LYSMD4: variants seen among roughly 807,000 people sequenced by gnomAD.
The protein encoded by LYSMD4 is LysM domain containing 4.
LYSMD4 carries 9 observed loss-of-function variants against 6.1 expected under a neutral mutation model. The observed-to-expected ratio is 1.47, with a 90% CI of 0.88 to 2.56. The LOEUF is 2.56. LYSMD4 is among the 30% of genes most tolerant of loss of function. The pLI, the probability that LYSMD4 is intolerant of heterozygous loss-of-function variation, is 0.00. For synonymous variants in LYSMD4, 143 were observed against 148.5 expected (o/e 0.96, Z 0.27); for missense variants, 384 against 373.5 (o/e 1.03, Z -0.23).
intron 2 of LYSMD4, chr15:99,731,459 G>A: frequency 6.3e-7 from 1 of 1,599,472 alleles, no homozygotes. Flanking sequence ...ATTTCAGTGT[G>A]GAGAAAACAG....
chr15:99,727,280 C>T (rs2059293453), downstream of LYSMD4: 2 of 152,370 alleles, frequency 1.3e-5, no homozygotes, highest in East Asian at 3.8e-4. Context: ...GAGGCTGAGG[C>T]AGGAGAATCG....
exon 1 of LYSMD4, chr15:99,717,358 A>G (rs2059194836): frequency 6.6e-6 from 1 of 152,256 alleles, no homozygotes; most frequent in Non-Finnish European, 1.5e-5. Context: ...ACCAGCCAAG[A>G]TGATTTTCAG....
intron 2 of LYSMD4, 169 bp downstream of exon 2, chr15:99,731,549 T>TC: frequency 6.5e-7 from 1 of 1,536,508 alleles, no homozygotes; most frequent in Non-Finnish European, 8.7e-7. Context: ...CTAAAGGTAC[T>TC]CCCACCTGCA....
rs2059476323 is a variant in LYSMD4, at chr15:99,733,429, A to C, written c.-93T>G. ...CCCGCAGCTGCCACCGCGCCTGCGG[A>C]TTGGCTACGAACATCAGCAGGGCCC... On this transcript the variant is annotated 5_prime_UTR_variant, in exon 1 of 3. Transcript: ENST00000684762. 1.0e-5 allele frequency: 4 copies of C among 395,182 alleles called. No homozygotes were observed. Among genetic ancestry groups the C allele is most frequent in the African/African-American group, 2.1e-5 (1 of 48,398 alleles). The allele number at this position is 395,182 out of a possible 1,614,324, so 24.5% of individuals were successfully genotyped here.
At chr15:99,717,591 C>CCAGCTGTTGCAGCTGTTG (rs67723447) in exon 1 of LYSMD4, 1 of 151,752 alleles carries the variant, frequency 6.6e-6, no homozygotes, top group Non-Finnish European at 1.5e-5. Context: ...AGCCCTGATC[C>CCAGCTGTTGCAGCTGTTG]CAGCTGTTGC....
At position 99,729,375 on chromosome 15, in the gene LYSMD4, A is replaced by G. The variant is rs771028227; in HGVS notation, c.639T>C (p.Asp213=). ...APPKTPMDGA[D]CGIQWWNAVF... is the part of the protein sequence containing the mutation. The stretch of plus-strand genomic sequence containing the variant: ...CAGCATTCCACCACTGAATGCCACA[A>G]TCTGCACCATCCATAGGCGTCTTCG... Residue 213 remains aspartate (D), a synonymous_variant, in exon 3 of 3, where the codon GAT becomes GAC. Coordinates refer to ENST00000684762, the MANE Select transcript of LYSMD4 (RefSeq NM_001284417.2). 8.7e-6 allele frequency: 14 copies of G among 1,614,118 alleles called. No individual in the cohort carries two copies. Among genetic ancestry groups the G allele is most frequent in the Non-Finnish European group, 1.2e-5 (14 of 1,180,038 alleles).
chr15:99,729,700 A>G lies in LYSMD4; in HGVS notation c.314T>C (p.Ile105Thr), dbSNP rs1013123473. 6.2e-7 allele frequency: 1 copy of G among 1,611,690 alleles called. No individual in the cohort carries two copies. The highest frequency in any genetic ancestry group is 8.5e-7 in the Non-Finnish European group (1 of 1,179,294). ...CAAAGCATATAAGTCTTGTTCTCTG[A>G]TGAAGTTGTTGACTTTCTTGATATC... is the stretch of plus-strand genomic sequence containing the variant. Reference protein sequence around the residue: ...VADIKKVNNFIREQDLYALKS... With the variant: ...VADIKKVNNFTREQDLYALKS... The change falls in exon 3 of 3, where the codon ATC becomes ACC. Residue 105 changes from isoleucine (I) to threonine (T), a missense_variant. Ile to Thr is a moderately conservative substitution (Grantham distance 89). Coordinates refer to ENST00000684762, the MANE Select transcript of LYSMD4 (RefSeq NM_001284417.2).
chr15:99,716,366 C>T (rs1414902883), exon 1 of LYSMD4: 2 of 357,158 alleles, frequency 5.6e-6, no homozygotes, highest in African/African-American at 2.1e-5. Context: ...TGTTGTTTTT[C>T]TTCATTATAC....
At chr15:99,716,568 TCCTTTTTCATTCCTTTCACGAAGA>T in exon 1 of LYSMD4, 1 of 456,750 alleles carries the variant, frequency 2.2e-6, no homozygotes, top group South Asian at 1.5e-5. Context: ...TAAAGCCCTC[TCCTTTTTCATTCCTTTCACGAAGA>T]CCTTTTTCAC....
chr15:99,725,127 TC>T (rs2059267596), downstream of LYSMD4, among the ~76,000 whole-genome samples: 1 of 133,872 alleles, frequency 7.5e-6, no homozygotes, highest in Admixed American at 7.8e-5. Flanking sequence ...TAAGGGAGGC[TC>T]CTTTCCTGAC....
Position 99,729,232 on chromosome 15 carries a change from G to A in LYSMD4, c.782C>T (p.Ser261Leu), listed in dbSNP as rs751118210. ...CCCTGGAACTGTACCCATTGCCATC[G>A]AGCCATTGGGGATGACAGTTGTGTT... is the stretch of plus-strand genomic sequence containing the variant. Reference protein sequence around the residue: ...SLNTTVIPNGSMAMGTVPGQA... With the variant: ...SLNTTVIPNGLMAMGTVPGQA... The change falls in exon 3 of 3, where the codon TCG becomes TTG. Residue 261 changes from serine (S) to leucine (L), a missense_variant. Ser to Leu is a moderately radical substitution (Grantham distance 145, BLOSUM62 -2). Transcript: ENST00000684762. 5 of 1,614,196 alleles carry A rather than the reference G, an allele frequency of 3.1e-6. No homozygotes were observed. Among genetic ancestry groups the A allele is most frequent in the Non-Finnish European group, 3.4e-6 (4 of 1,180,042 alleles).
upstream of LYSMD4, among the ~76,000 whole-genome samples, chr15:99,719,542 T>C (rs1313964821): frequency 6.6e-6 from 1 of 152,266 alleles, no homozygotes; most frequent in Non-Finnish European, 1.5e-5. Context: ...CTTTGCTTTT[T>C]CCACTTAATA....
chr15:99,716,269 C>T (rs1248670586), exon 1 of LYSMD4: 4 of 340,176 alleles, frequency 1.2e-5, no homozygotes, highest in South Asian at 4.7e-5. Context: ...CATGTAAAAC[C>T]GTTTGGCGGC....
Position 99,731,960 on chromosome 15 carries a change from G to A in LYSMD4, c.40C>T (p.Pro14Ser), listed in dbSNP as rs1298588260. 1 of 1,603,808 alleles carries A rather than the reference G, an allele frequency of 6.2e-7. No homozygotes were observed. Among genetic ancestry groups the A allele is most frequent in the South Asian group, 1.1e-5 (1 of 90,084 alleles). The change falls in exon 2 of 3, where the codon CCA (proline) becomes TCA (serine). Residue 14 changes from proline to serine, a missense_variant. Pro to Ser is a moderately conservative substitution (Grantham distance 74, BLOSUM62 -1). Coordinates refer to ENST00000684762, the MANE Select transcript of LYSMD4 (RefSeq NM_001284417.2). ...EELLTKTFQGPAVVCGTPTSH... is the reference protein window; with the variant it reads ...EELLTKTFQGSAVVCGTPTSH... ...GTCGGAGTCCCACACACAACAGCTG[G>A]GCCTTGGAAGGTCTTGGTTAACAAT...
At chr15:99,724,922 G>T (rs887327386), downstream of LYSMD4, among the ~76,000 whole-genome samples, 10 of 152,150 alleles carry the variant, frequency 6.6e-5, no homozygotes, top group African/African-American at 2.4e-4. Flanking sequence ...GGTGTGACTG[G>T]CGGTGCAGGA....
rs779666341 is a variant in LYSMD4, at chr15:99,731,990, C to T, written c.10G>A (p.Glu4Lys). ...TGGAAGGTCTTGGTTAACAATTCCT[C>T]GTGCCTCATTTTCTTCACTGAAAAT... MRHEELLTKTFQGP... is the reference protein window; with the variant it reads MRHKELLTKTFQGP... Residue 4 changes from glutamate to lysine, a missense_variant, in exon 2 of 3, where the codon GAG becomes AAG. Coordinates refer to ENST00000684762, the MANE Select transcript of LYSMD4 (RefSeq NM_001284417.2). 9 of 1,566,536 alleles carry T rather than the reference C, an allele frequency of 5.7e-6. No homozygotes were observed. The highest frequency in any genetic ancestry group is 4.3e-6 in the Non-Finnish European group (5 of 1,151,494).
At chr15:99,726,862 A>T (rs2059287536), downstream of LYSMD4, among the ~76,000 whole-genome samples, 1 of 152,150 alleles carries the variant, frequency 6.6e-6, no homozygotes. Flanking sequence ...CTAATAAAGC[A>T]ATATTAAAGC....
chr15:99,719,042 GCT>G (rs1255765447), upstream of LYSMD4, among the ~76,000 whole-genome samples: 1 of 152,208 alleles, frequency 6.6e-6, no homozygotes, highest in East Asian at 1.9e-4. Context: ...GGGGAACCCA[GCT>G]CTTATTATCT....
Position 99,731,704 on chromosome 15 carries a change from G to T in LYSMD4, c.282+14C>A. The T allele has an allele frequency of 6.4e-7, 1 of 1,573,108 alleles. No individual in the cohort carries two copies. The highest frequency in any genetic ancestry group is 8.6e-7 in the Non-Finnish European group (1 of 1,160,878). On this transcript the variant is annotated intron_variant, in intron 2 of 2. Coordinates refer to ENST00000684762, the MANE Select transcript of LYSMD4 (RefSeq NM_001284417.2). ...TGAAACGGAGCGGGGCAGGGCCCCT[G>T]AGGGGTGTCTTACTTTGCAGCCATA...
Sources: gnomAD v4.1 joint callset for allele counts (sites outside exome capture counted in the v4.1 genomes callset) on GRCh38, gnomAD v4.1.1 for gene constraint, MANE v1.5 for transcripts, NCBI Gene and HGNC (gene_info 2026-07-23, HGNC 2026-07-21) for gene names.